Variants in TRPC4AP observed in about 807,000 individuals in gnomAD.
TRPC4AP encodes transient receptor potential cation channel subfamily C member 4 associated protein.
A neutral mutation model predicts 99.0 loss-of-function variants in TRPC4AP; 45 were observed. The observed-to-expected ratio is 0.45, with a 90% CI of 0.36 to 0.58. TRPC4AP has a LOEUF of 0.58. Ranked by LOEUF, TRPC4AP falls within the 20% of genes least tolerant of loss-of-function variation. The pLI is 0.00. For missense variants in TRPC4AP, 879 were observed against 985.3 expected, an observed-to-expected ratio of 0.89 and a Z score of 1.44; for synonymous variants, 408 against 385.8, an observed-to-expected ratio of 1.06 and a Z score of -0.67.
intron 1 of TRPC4AP, among the ~76,000 whole-genome samples, chr20:35,079,021 G>A (rs965732581): frequency 7.2e-5 from 11 of 152,134 alleles, no homozygotes; most frequent in South Asian, 2.1e-4. Flanking sequence ...AGCCAAGATC[G>A]CGCCATGGCA....
At chr20:35,010,640 C>T (rs1361635776) in intron 11 of TRPC4AP, among the ~76,000 whole-genome samples, 2 of 152,166 alleles carry the variant, frequency 1.3e-5, no homozygotes, top group Non-Finnish European at 2.9e-5. Flanking sequence ...CAAGCCTGGC[C>T]CTGCTGCAGC....
chr20:35,015,221 G>T (rs1003404783), intron 10 of TRPC4AP, among the ~76,000 whole-genome samples: 3 of 151,336 alleles, frequency 2.0e-5, no homozygotes, highest in East Asian at 4.0e-4. Flanking sequence ...GGCTGGTCTC[G>T]AACTCCTGAC....
At chr20:35,081,831 C>A (rs1479539492) in intron 1 of TRPC4AP, among the ~76,000 whole-genome samples, 1 of 151,494 alleles carries the variant, frequency 6.6e-6, no homozygotes, top group Non-Finnish European at 1.5e-5. Context: ...ACTAAAAATG[C>A]AAAATTAGCT....
chr20:35,032,861 G>GGTT (rs1186734533), intron 8 of TRPC4AP, among the ~76,000 whole-genome samples: 13 of 152,034 alleles, frequency 8.6e-5, no homozygotes, highest in African/African-American at 3.1e-4. Context: ...CTTGTGTATA[G>GGTT]GTTACACTTC....
intron 5 of TRPC4AP, among the ~76,000 whole-genome samples, chr20:35,050,996 T>C (rs1385943522): frequency 2.0e-5 from 3 of 151,292 alleles, no homozygotes; most frequent in African/African-American, 7.3e-5. Context: ...TGAAACCCTA[T>C]CTCTAAAAAG....
At chr20:35,078,509 G>C (rs1203488120) in intron 1 of TRPC4AP, among the ~76,000 whole-genome samples, 1 of 152,104 alleles carries the variant, frequency 6.6e-6, no homozygotes, top group East Asian at 1.9e-4. Context: ...GATATGCTAA[G>C]AGATGAAAAA....
At chr20:35,008,382 G>C (rs2082559030) in intron 13 of TRPC4AP, among the ~76,000 whole-genome samples, 2 of 152,114 alleles carry the variant, frequency 1.3e-5, no homozygotes, top group African/African-American at 4.8e-5. Context: ...CAGCTCTAGG[G>C]AATTCATGGC....
intron 1 of TRPC4AP, among the ~76,000 whole-genome samples, chr20:35,086,481 G>GTATATATA (rs2084862995): frequency 8.0e-6 from 1 of 125,004 alleles, no homozygotes; most frequent in Non-Finnish European, 1.6e-5. Flanking sequence ...GTGTGTATGT[G>GTATATATA]TGTGTATATA....
rs533396119 is a variant in TRPC4AP at position 35,084,599 on chromosome 20, T to C, written c.169-6425A>G. ...ATGTATATATGTTTATATGCATATA[T>C]GTGTATATGTATATATGTTTATATG... On this transcript the variant is annotated intron_variant, in intron 1 of 18. Transcript: ENST00000252015. Among the ~76,000 whole-genome samples the C allele has an allele frequency of 2.3e-4, 30 of 131,274 alleles. 2 individuals are homozygous for C. In the East Asian group the frequency reaches 3.4e-3, roughly 15 times the overall value. The allele number at this position is 131,274 out of a possible 152,430, so 86.1% of individuals were successfully genotyped here.
Position 35,057,631 on chromosome 20 carries a change from T to C in TRPC4AP, c.415-60A>G. On this transcript the variant is annotated intron_variant, in intron 3 of 18. Transcript: ENST00000252015. ...ATTCAAAGTATAACTTATAAAATGA[T>C]TTTGCCATAACCATTCATGGCCCAT... 10 of 1,436,130 alleles carry C rather than the reference T, an allele frequency of 7.0e-6. No individual in the cohort carries two copies. The South Asian group carries it at 1.2e-4, about 17-fold the overall frequency. The allele number at this position is 1,436,130 out of a possible 1,614,324, so 89.0% of individuals were successfully genotyped here. A position where few individuals can be genotyped will look rare whatever the true frequency, so the allele number is the denominator to read the frequency against.
chr20:35,041,154 T>TAGGAAGA (rs1261878193), intron 7 of TRPC4AP, among the ~76,000 whole-genome samples: 2 of 152,302 alleles, frequency 1.3e-5, no homozygotes, highest in African/African-American at 2.4e-5. Context: ...GTCTGTTAGT[T>TAGGAAGA]AAGCCACCTA....
At chr20:35,007,438 G>A in intron 14 of TRPC4AP, 112 bp downstream of exon 14, 2 of 1,122,268 alleles carry the variant, frequency 1.8e-6, no homozygotes, top group Non-Finnish European at 2.6e-6. Flanking sequence ...GCATTTGGAA[G>A]TCACGAGATC....
intron 8 of TRPC4AP, among the ~76,000 whole-genome samples, chr20:35,024,074 G>A (rs1240503939): frequency 1.3e-5 from 2 of 151,950 alleles, no homozygotes; most frequent in Non-Finnish European, 2.9e-5. Context: ...ACACCGATTG[G>A]AGCGGTCACC....
chr20:35,029,740 A>G (rs1326646527), intron 8 of TRPC4AP, among the ~76,000 whole-genome samples: 2 of 136,654 alleles, frequency 1.5e-5, no homozygotes, highest in Non-Finnish European at 3.0e-5. Flanking sequence ...GGTTCACGCC[A>G]TTCTCCTGCC....
intron 11 of TRPC4AP, among the ~76,000 whole-genome samples, chr20:35,012,672 C>T (rs2082664335): frequency 6.6e-6 from 1 of 152,196 alleles, no homozygotes; most frequent in Non-Finnish European, 1.5e-5. Context: ...CCTGCCGGCC[C>T]CTGGGAATAG....
In TRPC4AP at chr20:35,041,290, C is replaced by T. The variant is rs1258362468; in HGVS notation, c.865+3215G>A. Among the ~76,000 whole-genome samples, 3 of 152,266 alleles carry T rather than the reference C, an allele frequency of 2.0e-5. No individual in the cohort carries two copies. The East Asian group carries it at 5.8e-4, about 29-fold the overall frequency. On this transcript the variant is annotated intron_variant, in intron 7 of 18. Coordinates refer to ENST00000252015, the MANE Select transcript of TRPC4AP (RefSeq NM_015638.3). The stretch of plus-strand genomic sequence containing the variant: ...AGGACTAAGACTTTCCTCATCCACT[C>T]GTGATTTAATTATGTCCACCAGCTT...
rs908995259 is a variant in TRPC4AP, at chr20:35,024,831, A to C, written c.1052-3475T>G. 4.1e-4 allele frequency among the ~76,000 whole-genome samples: 32 copies of C among 77,642 alleles called. 5 individuals are homozygous for C. Among genetic ancestry groups the C allele is most frequent in the South Asian group, 1.8e-3 (4 of 2,282 alleles). 50.9% of individuals were successfully genotyped at this position (77,642 alleles called of 152,430 possible). A position where few individuals can be genotyped will look rare whatever the true frequency, so the allele number is the denominator to read the frequency against. On this transcript the variant is annotated intron_variant, in intron 8 of 18. Coordinates refer to ENST00000252015, the MANE Select transcript of TRPC4AP (RefSeq NM_015638.3). ...TGACAGAGAGAGACCGTCTCAAAAA[A>C]AAAAAAAAAAAAAAAAAAAAAAAAT...
chr20:35,080,068 T>C (rs1161518932), intron 1 of TRPC4AP, among the ~76,000 whole-genome samples: 6 of 147,036 alleles, frequency 4.1e-5, no homozygotes, highest in Non-Finnish European at 7.5e-5. Context: ...ACAACTCAAA[T>C]GTCCATCAAC....
intron 7 of TRPC4AP, among the ~76,000 whole-genome samples, chr20:35,039,699 A>G (rs1288941356): frequency 2.0e-5 from 3 of 152,142 alleles, no homozygotes; most frequent in Non-Finnish European, 4.4e-5. Flanking sequence ...ATTGACAATT[A>G]TCTAGCCTAT....
Sources: allele counts gnomAD v4.1 joint callset (sites outside exome capture counted in the v4.1 genomes callset), GRCh38; gene constraint gnomAD v4.1.1; transcripts MANE v1.5; gene names NCBI Gene and HGNC (gene_info 2026-07-23, HGNC 2026-07-21).